TCERG1L: variants seen among roughly 807,000 people sequenced by gnomAD.
The protein encoded by TCERG1L is transcription elongation regulator 1-like protein.
Under a neutral mutation model 56.3 loss-of-function variants are expected in TCERG1L, and 37 were observed. That is an observed-to-expected ratio of 0.66 (90% confidence interval 0.51 to 0.87). TCERG1L has a LOEUF of 0.87. Among genes scored for constraint, TCERG1L ranks in the 40% least tolerant of loss-of-function variants. The pLI is 0.00. For synonymous variants in TCERG1L, 324 were observed against 326.3 expected (o/e 0.99, Z 0.08); for missense variants, 799 against 774.2 (o/e 1.03, Z -0.38).
chr10:131,139,129 T>C (rs1227966967), intron 7 of TCERG1L, among the ~76,000 whole-genome samples: 1 of 152,270 alleles, frequency 6.6e-6, no homozygotes, highest in Non-Finnish European at 1.5e-5. Flanking sequence ...AAGGAGATCA[T>C]GCAGAATCTA....
intron 4 of TCERG1L, among the ~76,000 whole-genome samples, chr10:131,174,535 A>T (rs986117512): frequency 6.6e-6 from 1 of 152,028 alleles, no homozygotes; most frequent in African/African-American, 2.4e-5. Context: ...TCTCCCTCTC[A>T]CCCGCCCGTT....
At chr10:131,186,034 G>A (rs1309689842) in intron 4 of TCERG1L, among the ~76,000 whole-genome samples, 1 of 152,200 alleles carries the variant, frequency 6.6e-6, no homozygotes, top group Non-Finnish European at 1.5e-5. Flanking sequence ...CGATGAAAGG[G>A]ACGAACTGCT....
intron 8 of TCERG1L, among the ~76,000 whole-genome samples, chr10:131,119,618 C>T (rs565779306): frequency 3.3e-5 from 5 of 152,346 alleles, no homozygotes; most frequent in Non-Finnish European, 5.9e-5. Context: ...TGCAGGGCTG[C>T]CGCACGCCTT....
chr10:131,277,088 G>C (rs1425103302), intron 3 of TCERG1L, among the ~76,000 whole-genome samples: 1 of 152,028 alleles, frequency 6.6e-6, no homozygotes, highest in Non-Finnish European at 1.5e-5. Context: ...TGAGATTACA[G>C]AATCAAGGCA....
At chr10:131,116,187 T>TC (rs1423349685) in intron 9 of TCERG1L, among the ~76,000 whole-genome samples, 2 of 151,596 alleles carry the variant, frequency 1.3e-5, no homozygotes, top group Admixed American at 6.6e-5. Flanking sequence ...GAATACAAAA[T>TC]CCCCCCGACC....
intron 4 of TCERG1L, among the ~76,000 whole-genome samples, chr10:131,248,516 G>A (rs906391946): frequency 2.0e-5 from 3 of 152,130 alleles, no homozygotes; most frequent in Non-Finnish European, 4.4e-5. Context: ...CTGGTGCCCA[G>A]TACCTTCCCG....
chr10:131,305,246 C>A (rs1270188831), intron 3 of TCERG1L, among the ~76,000 whole-genome samples: 1 of 152,068 alleles, frequency 6.6e-6, no homozygotes, highest in Non-Finnish European at 1.5e-5. Flanking sequence ...GGCCAACAGG[C>A]TTGTTTACAA....
chr10:131,265,505 A>G (rs1554897850), intron 3 of TCERG1L, among the ~76,000 whole-genome samples: 1 of 152,214 alleles, frequency 6.6e-6, no homozygotes, highest in Non-Finnish European at 1.5e-5. Flanking sequence ...GCCCTTGTGA[A>G]GGGTGAAGTT....
chr10:131,233,754 T>C (rs1422668491), intron 4 of TCERG1L, among the ~76,000 whole-genome samples: 1 of 152,180 alleles, frequency 6.6e-6, no homozygotes, highest in Non-Finnish European at 1.5e-5. Flanking sequence ...GCTTCGGCTA[T>C]GGTTTGTCCC....
At chr10:131,243,634 CCAACCCTG>C (rs1845997253) in intron 4 of TCERG1L, among the ~76,000 whole-genome samples, 1 of 152,176 alleles carries the variant, frequency 6.6e-6, no homozygotes, top group Non-Finnish European at 1.5e-5. Flanking sequence ...GTTCCTAAAA[CCAACCCTG>C]CAACCTTGAT....
rs181116728 is a variant in TCERG1L, at chr10:131,192,131, C to T, written c.857-25246G>A. Among the ~76,000 whole-genome samples the T allele has an allele frequency of 3.8e-3, 546 of 142,764 alleles. 68 individuals carry two copies. The highest frequency in any genetic ancestry group is 4.7e-3 in the Admixed American group (67 of 14,358). The allele number at this position is 142,764 out of a possible 152,430, so 93.7% of individuals were successfully genotyped here. On this transcript the variant is annotated intron_variant, in intron 4 of 11. Coordinates refer to ENST00000368642, the MANE Select transcript of TCERG1L (RefSeq NM_174937.4). ...AGAAAATATTTGCAAACTATGTATC[C>T]AACAAAGGACTAGTATCCAGAATCT...
At chr10:131,219,716 G>C (rs1335767720) in intron 4 of TCERG1L, among the ~76,000 whole-genome samples, 1 of 152,174 alleles carries the variant, frequency 6.6e-6, no homozygotes, top group Non-Finnish European at 1.5e-5. Flanking sequence ...CATCCCTGGG[G>C]CGTTCGGGGC....
intron 8 of TCERG1L, among the ~76,000 whole-genome samples, chr10:131,119,825 G>A (rs1256527598): frequency 1.3e-5 from 2 of 152,216 alleles, no homozygotes; most frequent in African/African-American, 4.8e-5. Flanking sequence ...TAATTGGTGT[G>A]CACCAGCCCT....
At chr10:131,245,656 C>T (rs1015317920) in intron 4 of TCERG1L, among the ~76,000 whole-genome samples, 3 of 152,234 alleles carry the variant, frequency 2.0e-5, no homozygotes, top group Non-Finnish European at 2.9e-5. Context: ...CCTTCAGTGG[C>T]GACAGCCCAG....
chr10:131,159,833 G>A lies in TCERG1L; in HGVS notation c.1034+3289C>T, dbSNP rs145232273. 5.9e-5 allele frequency among the ~76,000 whole-genome samples: 9 copies of A among 152,252 alleles called. No homozygotes were observed. In the South Asian group the frequency reaches 6.2e-4, roughly 11 times the overall value. ...CACAAAGCCCTCCTTGACAGAGCAC[G>A]CGGCCACAGGAGAAGCTGAGATCTG... is the stretch of plus-strand genomic sequence containing the variant. On this transcript the variant is annotated intron_variant, in intron 6 of 11. Transcript: ENST00000368642.
chr10:131,239,643 A>C (rs1168746825), intron 4 of TCERG1L, among the ~76,000 whole-genome samples: 1 of 152,244 alleles, frequency 6.6e-6, no homozygotes, highest in Non-Finnish European at 1.5e-5. Flanking sequence ...AGGGCAGTGC[A>C]GACAGAGGGG....
At chr10:131,219,398 G>A (rs756183788) in intron 4 of TCERG1L, among the ~76,000 whole-genome samples, 1 of 152,338 alleles carries the variant, frequency 6.6e-6, no homozygotes, top group East Asian at 1.9e-4. Context: ...CAGCGGCTTC[G>A]AGTTGTGCAT....
intron 4 of TCERG1L, among the ~76,000 whole-genome samples, chr10:131,238,164 G>A (rs2133517805): frequency 6.6e-6 from 1 of 152,256 alleles, no homozygotes; most frequent in African/African-American, 2.4e-5. Flanking sequence ...CTGCAGTCTG[G>A]AAAGGCCCAC....
At chr10:131,227,430 C>A (rs1056250165) in intron 4 of TCERG1L, among the ~76,000 whole-genome samples, 1 of 152,222 alleles carries the variant, frequency 6.6e-6, no homozygotes, top group Non-Finnish European at 1.5e-5. Context: ...GGTTCCAGGG[C>A]AGCCCAGCTT....
Sources: gnomAD v4.1 joint callset for allele counts (sites outside exome capture counted in the v4.1 genomes callset) on GRCh38, gnomAD v4.1.1 for gene constraint, MANE v1.5 for transcripts, NCBI Gene and HGNC (gene_info 2026-07-23, HGNC 2026-07-21) for gene names.